Variants in SLC10A1 observed in about 807,000 individuals in gnomAD.
SLC10A1 encodes the protein hepatic sodium/bile acid cotransporter.
SLC10A1 carries 36 observed loss-of-function variants against 20.5 expected under a neutral mutation model. That is an observed-to-expected ratio of 1.75 (90% CI 1.34 to 2.32). The LOEUF (loss-of-function observed/expected upper bound fraction) is 2.32, where lower values mean the gene tolerates loss of function less well. Ranked by LOEUF, SLC10A1 falls within the 30% of genes most tolerant of loss-of-function variation. SLC10A1 has a pLI of 0.00. For missense variants in SLC10A1, 545 were observed against 439.1 expected (o/e 1.24, Z -2.16); for synonymous variants, 188 against 163.6 (o/e 1.15, Z -1.14).
At chr14:69,777,221 C>G (rs905678046) in intron 4 of SLC10A1, among the ~76,000 whole-genome samples, 2 of 152,188 alleles carry the variant, frequency 1.3e-5, no homozygotes, top group Non-Finnish European at 2.9e-5. Context: ...AGAGTAGATT[C>G]TTTCTCACAA....
chr14:69,794,994 G>A (rs1039176000), intron 1 of SLC10A1, among the ~76,000 whole-genome samples: 4 of 152,148 alleles, frequency 2.6e-5, no homozygotes, highest in South Asian at 4.1e-4. Flanking sequence ...TGCCTTCCAC[G>A]TCCCCTGCTC....
chr14:69,796,061 A>G (rs945734398), intron 1 of SLC10A1, among the ~76,000 whole-genome samples: 5 of 152,160 alleles, frequency 3.3e-5, no homozygotes, highest in African/African-American at 9.7e-5. Context: ...TGGAAGGATG[A>G]GCATCAACCA....
At chr14:69,780,095 A>G (rs1594760880) in intron 2 of SLC10A1, among the ~76,000 whole-genome samples, 1 of 152,244 alleles carries the variant, frequency 6.6e-6, no homozygotes, top group South Asian at 2.1e-4. Context: ...TAAGGGGACA[A>G]ACCTACTTTC....
chr14:69,779,379 A>AT lies in SLC10A1; in HGVS notation c.568-20_568-19insA. ...TCCCTCCCTGGGAATGAAGACAAGA[A>AT]AAGGCAATTAGAAGAGTTGGGGATA... On this transcript the variant is annotated intron_variant, in intron 2 of 4. Coordinates refer to ENST00000216540, the MANE Select transcript of SLC10A1 (RefSeq NM_003049.4). 1 of 1,596,832 alleles carries AT rather than the reference A, an allele frequency of 6.3e-7. No individual in the cohort carries two copies. Among genetic ancestry groups the AT allele is most frequent in the Non-Finnish European group, 8.6e-7 (1 of 1,167,386 alleles).
intron 1 of SLC10A1, among the ~76,000 whole-genome samples, chr14:69,786,736 C>T (rs772641500): frequency 1.3e-5 from 2 of 152,216 alleles, no homozygotes; most frequent in Non-Finnish European, 2.9e-5. Flanking sequence ...GGAATGGCAC[C>T]TGACCCACAG....
intron 2 of SLC10A1, 113 bp downstream of exon 2, chr14:69,785,984 G>T: frequency 1.3e-6 from 1 of 756,770 alleles, no homozygotes; most frequent in Non-Finnish European, 2.2e-6. Flanking sequence ...ATAAAACTTA[G>T]CATCTAGTAG....
intron 2 of SLC10A1, among the ~76,000 whole-genome samples, chr14:69,779,800 C>G (rs780732908): frequency 1.3e-4 from 19 of 151,944 alleles, no homozygotes; most frequent in Non-Finnish European, 2.4e-4. Flanking sequence ...TGAAGTGTTA[C>G]GTGAGGCTAT....
In SLC10A1 at chr14:69,776,408, T is replaced by C; in HGVS notation, c.944-20A>G. On this transcript the variant is annotated intron_variant, in intron 4 of 4. Coordinates refer to ENST00000216540, the MANE Select transcript of SLC10A1 (RefSeq NM_003049.4). Reference sequence around the variant, plus strand: ...TTTTATCTGTAAAGTTAAAAAGGGTTACAGGTGTAGAGAGAGAACAAGAGG... The same window carrying C: ...TTTTATCTGTAAAGTTAAAAAGGGTCACAGGTGTAGAGAGAGAACAAGAGG... 6.3e-7 allele frequency: 1 copy of C among 1,582,730 alleles called. No homozygotes were observed.
chr14:69,786,685 T>C (rs1883724006), intron 1 of SLC10A1, among the ~76,000 whole-genome samples: 2 of 152,210 alleles, frequency 1.3e-5, no homozygotes, highest in Non-Finnish European at 2.9e-5. Flanking sequence ...GAAAGCCAAC[T>C]GTGTGATTCC....
intron 1 of SLC10A1, among the ~76,000 whole-genome samples, chr14:69,793,564 G>T (rs1302983893): frequency 1.3e-5 from 2 of 152,244 alleles, no homozygotes; most frequent in African/African-American, 4.8e-5. Flanking sequence ...AGCTGTGAGG[G>T]GCCTCAACAC....
Position 69,796,973 on chromosome 14 carries a change from C to T in SLC10A1, c.183G>A (p.Leu61=). The change falls in exon 1 of 5, where the codon CTG becomes CTA. Residue 61 remains leucine (L), a synonymous_variant. Transcript: ENST00000216540. ...IKAHLWKPKG[L]AIALVAQYGI... ...CATACTGTGCCACCAGGGCGATGGC[C>T]AGCCCTTTAGGCTTCCATAAGTGAG... The T allele has an allele frequency of 1.2e-6, 2 of 1,614,240 alleles. No homozygotes were observed. The highest frequency in any genetic ancestry group is 2.2e-5 in the East Asian group (1 of 44,880).
At chr14:69,788,755 C>T (rs1185014056) in intron 1 of SLC10A1, among the ~76,000 whole-genome samples, 1 of 151,724 alleles carries the variant, frequency 6.6e-6, no homozygotes, top group Admixed American at 6.6e-5. Context: ...ACCGTGTTAG[C>T]CAGGATAGTC....
At chr14:69,784,050 C>T (rs17107282) in intron 2 of SLC10A1, among the ~76,000 whole-genome samples, 33,702 of 152,090 alleles carry the variant, frequency 0.22, 4,438 homozygotes, top group African/African-American at 0.35. Context: ...ATAGAGTTGA[C>T]ATCTGATGAT....
chr14:69,779,405 G>T, intron 2 of SLC10A1, 45 bp from the exon 3 acceptor site: 1 of 1,514,334 alleles, frequency 6.6e-7, no homozygotes, highest in Non-Finnish European at 9.0e-7. Flanking sequence ...GTTGGGGATA[G>T]AGAGGAACAG....
At position 69,779,840 on chromosome 14, in the gene SLC10A1, A is replaced by G. The variant is rs576461779; in HGVS notation, c.568-480T>C. Among the ~76,000 whole-genome samples the G allele has an allele frequency of 6.1e-3, 931 of 152,360 alleles. 9 individuals carry two copies. Among genetic ancestry groups the G allele is most frequent in the African/African-American group, 0.021 (885 of 41,590 alleles). On this transcript the variant is annotated intron_variant, in intron 2 of 4. Coordinates refer to ENST00000216540, the MANE Select transcript of SLC10A1 (RefSeq NM_003049.4). ...GACTCCTGCAAAATGGATATTATTTAAAAGTCAAGTATTTTTGGAACTTAT... is the reference window on the plus strand; with the variant it reads ...GACTCCTGCAAAATGGATATTATTTGAAAGTCAAGTATTTTTGGAACTTAT...
intron 1 of SLC10A1, among the ~76,000 whole-genome samples, chr14:69,796,091 C>CCA (rs1384697963): frequency 1.3e-5 from 2 of 152,212 alleles, no homozygotes; most frequent in African/African-American, 4.8e-5. Context: ...TGCTGCGTCT[C>CCA]CAGGAGCGAG....
chr14:69,787,536 A>G (rs1015098211), intron 1 of SLC10A1, among the ~76,000 whole-genome samples: 5 of 152,250 alleles, frequency 3.3e-5, no homozygotes, highest in African/African-American at 1.2e-4. Flanking sequence ...TAAAGATGGA[A>G]TATGGCTTAA....
intron 1 of SLC10A1, among the ~76,000 whole-genome samples, chr14:69,793,192 T>C (rs1381301040): frequency 6.6e-6 from 1 of 152,174 alleles, no homozygotes. Context: ...TGGTGTGCCT[T>C]GTCAGCTTGG....
chr14:69,792,377 A>C (rs1169090720), intron 1 of SLC10A1, among the ~76,000 whole-genome samples: 1 of 152,226 alleles, frequency 6.6e-6, no homozygotes, highest in Non-Finnish European at 1.5e-5. Context: ...CCCAAACCAC[A>C]ATCCCATAGA....
Sources: gnomAD v4.1 joint callset for allele counts (sites outside exome capture counted in the v4.1 genomes callset) on GRCh38, gnomAD v4.1.1 for gene constraint, MANE v1.5 for transcripts, NCBI Gene and HGNC (gene_info 2026-07-23, HGNC 2026-07-21) for gene names.